The following COL4A6 variants were observed in gnomAD, a reference collection of about 807,000 sequenced individuals.
COL4A6 encodes collagen alpha-6(IV) chain.
COL4A6 carries 59 observed loss-of-function variants against 126.7 expected under a neutral mutation model. The ratio of observed to expected loss-of-function variants is 0.47; its 90% confidence interval spans 0.38 to 0.58. The LOEUF is 0.58. Ranked by LOEUF, COL4A6 falls within the 20% of genes least tolerant of loss-of-function variation. The pLI is 0.00. For missense variants in COL4A6, 1,285 were observed against 1,337.3 expected (o/e 0.96, Z 0.61); for synonymous variants, 547 against 496.6 (o/e 1.10, Z -1.35).
At chrX:108,399,615 A>G (rs970655684) in intron 2 of COL4A6, among the ~76,000 whole-genome samples, 8 of 111,376 alleles carry the variant, frequency 7.2e-5, no homozygotes, top group Middle Eastern at 4.7e-3. Flanking sequence ...TCTTTTCAAC[A>G]CACAAAATGC....
intron 2 of COL4A6, among the ~76,000 whole-genome samples, chrX:108,414,295 A>G (rs995646627): frequency 5.4e-5 from 6 of 111,679 alleles, no homozygotes; most frequent in African/African-American, 9.8e-5. Flanking sequence ...TGTATTCTAC[A>G]TAAGTGTTGA....
intron 2 of COL4A6, among the ~76,000 whole-genome samples, chrX:108,430,027 T>G (rs1409678294): frequency 8.9e-6 from 1 of 111,919 alleles, no homozygotes; most frequent in African/African-American, 3.2e-5. Flanking sequence ...AACGTAGTCA[T>G]ATAAGCATAG....
intron 2 of COL4A6, among the ~76,000 whole-genome samples, chrX:108,430,011 G>A (rs2064151909): frequency 8.9e-6 from 1 of 111,953 alleles, no homozygotes; most frequent in Non-Finnish European, 1.9e-5. Context: ...CAAGGTTGAA[G>A]AATGTAACGT....
intron 13 of COL4A6, among the ~76,000 whole-genome samples, chrX:108,197,793 G>GTGTA (rs2035266738): frequency 9.2e-6 from 1 of 108,498 alleles, no homozygotes; most frequent in East Asian, 2.9e-4. Flanking sequence ...GTGTGTGTGT[G>GTGTA]TGTGTGTGTG....
chrX:108,345,047 A>G (rs2039674686), intron 2 of COL4A6, among the ~76,000 whole-genome samples: 1 of 111,710 alleles, frequency 9.0e-6, no homozygotes, highest in African/African-American at 3.3e-5. Context: ...AGTACACATC[A>G]TAGACATATA....
At chrX:108,306,778 G>A (rs1303501073) in intron 3 of COL4A6, among the ~76,000 whole-genome samples, 2 of 111,272 alleles carry the variant, frequency 1.8e-5, no homozygotes, top group African/African-American at 6.5e-5. Context: ...ATAAAATGGG[G>A]GACAAACAGC....
intron 3 of COL4A6, among the ~76,000 whole-genome samples, chrX:108,253,100 C>T (rs1300794686): frequency 1.8e-5 from 2 of 111,579 alleles, no homozygotes; most frequent in Non-Finnish European, 3.8e-5. Context: ...CAAGGATACC[C>T]ACTTGTGATT....
intron 2 of COL4A6, among the ~76,000 whole-genome samples, chrX:108,333,342 A>T (rs778566240): frequency 7.9e-4 from 89 of 111,988 alleles, no homozygotes; most frequent in African/African-American, 2.7e-3. Flanking sequence ...TAGATGCAGA[A>T]AAAACATTCG....
At chrX:108,277,386 G>C in intron 3 of COL4A6, among the ~76,000 whole-genome samples, 1 of 112,305 alleles carries the variant, frequency 8.9e-6, no homozygotes, top group Non-Finnish European at 1.9e-5. Flanking sequence ...CTCGCTGATT[G>C]CTAGCAGAGC....
intron 6 of COL4A6, among the ~76,000 whole-genome samples, chrX:108,212,277 T>C (rs1424416510): frequency 9.1e-6 from 1 of 110,437 alleles, no homozygotes; most frequent in Non-Finnish European, 1.9e-5. Flanking sequence ...TGTGGTCCAG[T>C]TTGTAGACCT....
chrX:108,300,467 G>A (rs1316451451), intron 3 of COL4A6, among the ~76,000 whole-genome samples: 1 of 107,363 alleles, frequency 9.3e-6, no homozygotes, highest in Non-Finnish European at 1.9e-5. Context: ...TTTCCATTCT[G>A]TTGTGCTAGG....
chrX:108,312,397 C>T (rs1344766239), intron 2 of COL4A6, among the ~76,000 whole-genome samples: 1 of 112,080 alleles, frequency 8.9e-6, no homozygotes, highest in Non-Finnish European at 1.9e-5. Flanking sequence ...TTTTATCTCT[C>T]TTATAAGCCC....
At position 108,161,744 on chromosome X, in the gene COL4A6, G is replaced by A. The variant is rs1483857028; in HGVS notation, c.4217-9C>T. 8.7e-7 allele frequency: 1 copy of A among 1,146,304 alleles called. No homozygotes were observed. Among genetic ancestry groups the A allele is most frequent in the Non-Finnish European group, 1.2e-6 (1 of 838,832 alleles). 94.5% of individuals were successfully genotyped at this position (1,146,304 alleles called of 1,213,427 possible). ...AGGTAAACCTTTGGAGCCTGCAGGA[G>A]AGAAAGCCCAAAGGAGGGTACTCAA... On this transcript the variant is annotated splice_polypyrimidine_tract_variant and intron_variant, in intron 41 of 44. Transcript: ENST00000334504.
intron 12 of COL4A6, 85 bp downstream of exon 12, chrX:108,204,235 T>G: frequency 1.4e-6 from 1 of 703,416 alleles, no homozygotes; most frequent in Non-Finnish European, 2.0e-6. Context: ...TCTTCCAGTA[T>G]TGTCTGGTTA....
At chrX:108,159,240 C>G (rs2033838896) in intron 44 of COL4A6, among the ~76,000 whole-genome samples, 1 of 112,375 alleles carries the variant, frequency 8.9e-6, no homozygotes, top group Non-Finnish European at 1.9e-5. Flanking sequence ...CACAGATATT[C>G]TAGCCCCTGA....
chrX:108,376,963 A>G (rs1257740496), intron 2 of COL4A6, among the ~76,000 whole-genome samples: 1 of 112,506 alleles, frequency 8.9e-6, no homozygotes, highest in Non-Finnish European at 1.9e-5. Context: ...AAGTGTAGAG[A>G]AAGAAAAATG....
At chrX:108,437,336 A>ATT (rs199725909) in intron 2 of COL4A6, among the ~76,000 whole-genome samples, 4 of 110,715 alleles carry the variant, frequency 3.6e-5, no homozygotes, top group African/African-American at 1.3e-4. Context: ...GTTAACTTTG[A>ATT]TTTTTTTTTC....
intron 3 of COL4A6, among the ~76,000 whole-genome samples, chrX:108,274,732 G>A (rs1049831181): frequency 1.8e-5 from 2 of 112,269 alleles, no homozygotes; most frequent in Non-Finnish European, 3.8e-5. Context: ...CAGGGTCCTT[G>A]TTTTCTTGTT....
At chrX:108,350,527 G>C (rs760334561) in intron 2 of COL4A6, among the ~76,000 whole-genome samples, 2 of 111,462 alleles carry the variant, frequency 1.8e-5, no homozygotes, top group African/African-American at 6.5e-5. Context: ...TTGAGAACCA[G>C]AGTTGTAGGA....
Sources: allele counts gnomAD v4.1 joint callset (sites outside exome capture counted in the v4.1 genomes callset), GRCh38; gene constraint gnomAD v4.1.1; transcripts MANE v1.5; gene names NCBI Gene and HGNC (gene_info 2026-07-23, HGNC 2026-07-21).